The following DPP6 variants were observed in gnomAD, a reference collection of about 807,000 sequenced individuals.
DPP6 encodes A-type potassium channel modulatory protein DPP6.
Under a neutral mutation model 122.6 loss-of-function variants are expected in DPP6, and 69 were observed. The observed-to-expected ratio is 0.56, with a 90% confidence interval of 0.46 to 0.69. DPP6 has a LOEUF of 0.69. Ranked by LOEUF, DPP6 falls within the 30% of genes least tolerant of loss-of-function variation. The pLI is 0.00. For synonymous variants in DPP6, 418 were observed against 433.1 expected, an observed-to-expected ratio of 0.97 and a Z score of 0.43; for missense variants, 928 against 1,116.9, an observed-to-expected ratio of 0.83 and a Z score of 2.41.
chr7:154,539,063 T>G (rs1454966115), intron 3 of DPP6, among the ~76,000 whole-genome samples: 1 of 152,222 alleles, frequency 6.6e-6, no homozygotes, highest in Non-Finnish European at 1.5e-5. Context: ...TTATAACAAC[T>G]CTGCTTTTGA....
intron 10 of DPP6, among the ~76,000 whole-genome samples, chr7:154,773,186 C>T (rs992829256): frequency 1.3e-5 from 2 of 152,200 alleles, no homozygotes; most frequent in African/African-American, 4.8e-5. Context: ...GAGCTGGGCT[C>T]CTCTGGGAGG....
At chr7:154,093,612 TAC>T (rs368214447) in intron 1 of DPP6, 3,373 of 114,244 alleles carry the variant, frequency 0.03, 132 homozygotes, top group African/African-American at 0.099. Flanking sequence ...ACACACACCA[TAC>T]ACACACACAC....
intron 10 of DPP6, among the ~76,000 whole-genome samples, chr7:154,774,892 G>C (rs998221382): frequency 6.6e-6 from 1 of 152,200 alleles, no homozygotes; most frequent in Non-Finnish European, 1.5e-5. Flanking sequence ...GGAAACGTGT[G>C]GAAGAGGAGG....
chr7:154,283,441 TA>T (rs1330719991), intron 1 of DPP6, among the ~76,000 whole-genome samples: 5 of 152,208 alleles, frequency 3.3e-5, no homozygotes, highest in African/African-American at 1.2e-4. Flanking sequence ...TAGTAAGAGT[TA>T]TTCATTGTCA....
At chr7:153,954,205 T>C (rs796169645) in intron 1 of DPP6, among the ~76,000 whole-genome samples, 9 of 152,350 alleles carry the variant, frequency 5.9e-5, no homozygotes, top group African/African-American at 1.9e-4. Flanking sequence ...TGGACTATAA[T>C]GTTTGTCTGT....
At chr7:154,514,372 G>C (rs1318229176) in intron 3 of DPP6, among the ~76,000 whole-genome samples, 7 of 151,866 alleles carry the variant, frequency 4.6e-5, no homozygotes, top group Non-Finnish European at 7.4e-5. Flanking sequence ...TCTTTCTCAG[G>C]AATTCTTTTT....
intron 1 of DPP6, among the ~76,000 whole-genome samples, chr7:154,300,506 G>A (rs118065832): frequency 0.046 from 6,958 of 152,330 alleles, 239 homozygotes; most frequent in Non-Finnish European, 0.067. Flanking sequence ...CCCTTGAGCT[G>A]CCTGTTTCTT....
chr7:154,260,952 A>G (rs1404391327), intron 1 of DPP6, among the ~76,000 whole-genome samples: 2 of 151,626 alleles, frequency 1.3e-5, no homozygotes, highest in African/African-American at 4.8e-5. Flanking sequence ...CTGGAGTGCA[A>G]TGGTGTGATC....
At chr7:153,857,704 TA>T in the DPP6 span, among the ~76,000 whole-genome samples, 2 of 152,218 alleles carry the variant, frequency 1.3e-5, no homozygotes, top group Non-Finnish European at 2.9e-5. Context: ...GTATCATGCT[TA>T]GAATATAAAC....
chr7:154,012,938 G>A (rs187268960), intron 1 of DPP6, among the ~76,000 whole-genome samples: 1 of 152,328 alleles, frequency 6.6e-6, no homozygotes. Flanking sequence ...GTCCTGTTGA[G>A]GCTGTTTCAC....
At chr7:154,117,449 C>T (rs1045978535) in intron 1 of DPP6, among the ~76,000 whole-genome samples, 37 of 152,264 alleles carry the variant, frequency 2.4e-4, no homozygotes, top group African/African-American at 8.7e-4. Context: ...AGGGAACCCA[C>T]GTTTTGGACT....
chr7:153,948,855 C>T (rs776774221), intron 1 of DPP6, among the ~76,000 whole-genome samples: 1 of 148,246 alleles, frequency 6.7e-6, no homozygotes, highest in African/African-American at 2.5e-5. Context: ...TAAACAGGCA[C>T]AGGTAAAGAT....
At chr7:154,859,006 C>G (rs1290601079) in intron 17 of DPP6, among the ~76,000 whole-genome samples, 1 of 152,212 alleles carries the variant, frequency 6.6e-6, no homozygotes, top group Non-Finnish European at 1.5e-5. Flanking sequence ...CAAGCAGGCG[C>G]TCTTGACTGT....
intron 13 of DPP6, among the ~76,000 whole-genome samples, chr7:154,802,657 A>G (rs1267577911): frequency 6.6e-6 from 1 of 152,114 alleles, no homozygotes; most frequent in East Asian, 1.9e-4. Context: ...TCAGGAGTTC[A>G]AGACCAGTGG....
At chr7:154,522,318 A>T (rs887932631) in intron 3 of DPP6, among the ~76,000 whole-genome samples, 5 of 151,972 alleles carry the variant, frequency 3.3e-5, no homozygotes, top group Non-Finnish European at 7.4e-5. Context: ...GGTGTAGTGA[A>T]CCTCCCAGTC....
chr7:154,770,625 A>G (rs887328176), intron 9 of DPP6, among the ~76,000 whole-genome samples: 2 of 152,162 alleles, frequency 1.3e-5, no homozygotes, highest in African/African-American at 4.8e-5. Flanking sequence ...TGAGAGATAC[A>G]TTGCTATTGT....
At chr7:153,963,801 CAAACTGTCTTCCACA>C (rs1244305618) in intron 1 of DPP6, among the ~76,000 whole-genome samples, 1 of 152,168 alleles carries the variant, frequency 6.6e-6, no homozygotes, top group Non-Finnish European at 1.5e-5. Flanking sequence ...CATCCATGGA[CAAACTGTCTTCCACA>C]AAACCAGCCC....
intron 1 of DPP6, among the ~76,000 whole-genome samples, chr7:154,316,415 G>A (rs1442553448): frequency 6.6e-6 from 1 of 152,188 alleles, no homozygotes; most frequent in Admixed American, 6.5e-5. Context: ...GTTGAAAAAT[G>A]GGCATTTTAC....
intron 25 of DPP6, among the ~76,000 whole-genome samples, chr7:154,891,434 A>G (rs914570571): frequency 2.6e-5 from 4 of 152,128 alleles, no homozygotes; most frequent in African/African-American, 9.7e-5. Flanking sequence ...TAATTCTCAC[A>G]AAGTGTCATG....
Sources: allele counts gnomAD v4.1 joint callset (sites outside exome capture counted in the v4.1 genomes callset), GRCh38; gene constraint gnomAD v4.1.1; transcripts MANE v1.5; gene names NCBI Gene and HGNC (gene_info 2026-07-23, HGNC 2026-07-21).